The following TNR variants were observed in gnomAD, a reference collection of about 807,000 sequenced individuals.
TNR encodes the protein tenascin R.
A neutral mutation model predicts 150.4 loss-of-function variants in TNR; 45 were observed. The observed-to-expected ratio is 0.30, with a 90% CI of 0.24 to 0.38. The LOEUF (loss-of-function observed/expected upper bound fraction) is 0.38, where lower values mean the gene tolerates loss of function less well. Among genes scored for constraint, TNR ranks in the 10% least tolerant of loss-of-function variants. The pLI is 1.00. For missense variants in TNR, 1,544 were observed against 1,759.1 expected (o/e 0.88, Z 2.19); for synonymous variants, 687 against 678.4 (o/e 1.01, Z -0.20).
In TNR at chr1:175,719,736, C is replaced by A. The variant is rs932694991; in HGVS notation, c.-165+23490G>T. Among the ~76,000 whole-genome samples the A allele has an allele frequency of 5.4e-4, 83 of 152,298 alleles. 1 individual carries two copies. Among genetic ancestry groups the A allele is most frequent in the African/African-American group, 1.8e-3 (73 of 41,566 alleles). ...GACTAGGACACAATGATAGCAGAGACCCCGCTGGGAGATACAGCAAGTTCT... is the reference window on the plus strand; with the variant it reads ...GACTAGGACACAATGATAGCAGAGAACCCGCTGGGAGATACAGCAAGTTCT... On this transcript the variant is annotated intron_variant, in intron 1 of 22. Transcript: ENST00000367674.
intron 2 of TNR, among the ~76,000 whole-genome samples, chr1:175,525,021 T>A (rs1327966137): frequency 6.6e-5 from 10 of 152,160 alleles, no homozygotes; most frequent in Non-Finnish European, 4.4e-5. Flanking sequence ...GAATTGCAGT[T>A]CCTATAATTC....
intron 2 of TNR, among the ~76,000 whole-genome samples, chr1:175,471,080 C>A (rs143367954): frequency 2.0e-5 from 3 of 152,196 alleles, no homozygotes. Context: ...TTTGACACAT[C>A]TGAGTTAGTC....
intron 14 of TNR, among the ~76,000 whole-genome samples, chr1:175,361,651 A>AT (rs1651591774): frequency 6.6e-6 from 1 of 152,212 alleles, no homozygotes; most frequent in Non-Finnish European, 1.5e-5. Context: ...TATTTCCCTC[A>AT]TTTGGGAAAT....
intron 1 of TNR, among the ~76,000 whole-genome samples, chr1:175,575,486 G>A (rs543875845): frequency 6.6e-6 from 1 of 152,174 alleles, no homozygotes; most frequent in African/African-American, 2.4e-5. Flanking sequence ...TCACAGCCTG[G>A]TTGACGAACA....
intron 1 of TNR, among the ~76,000 whole-genome samples, chr1:175,707,916 A>AC (rs370088039): frequency 6.6e-6 from 1 of 152,138 alleles, no homozygotes; most frequent in Non-Finnish European, 1.5e-5. Flanking sequence ...TAAAGAAAAA[A>AC]CAGGGCTACA....
chr1:175,518,355 T>C (rs1395051146), intron 2 of TNR, among the ~76,000 whole-genome samples: 1 of 152,184 alleles, frequency 6.6e-6, no homozygotes, highest in Non-Finnish European at 1.5e-5. Context: ...TGTGCAGTCT[T>C]GGGACACACA....
intron 1 of TNR, among the ~76,000 whole-genome samples, chr1:175,639,710 A>G (rs948209179): frequency 5.9e-5 from 9 of 152,172 alleles, no homozygotes; most frequent in African/African-American, 2.2e-4. Flanking sequence ...CTAACTTTCC[A>G]GCCTCACCAA....
rs116351705 is a variant in TNR, at chr1:175,444,134, C to T, written c.-63-37357G>A. On this transcript the variant is annotated intron_variant, in intron 2 of 22. Transcript: ENST00000367674. ...ATAATCAGAGACTCCAGTCAAAATA[C>T]TTATAACCAGATAGGAAAATTAAAA... Among the ~76,000 whole-genome samples the T allele has an allele frequency of 2.0e-3, 298 of 152,242 alleles. 2 individuals are homozygous for T. The highest frequency in any genetic ancestry group is 6.9e-3 in the African/African-American group (286 of 41,544).
In TNR at chr1:175,690,157, T is replaced by C. The variant is rs112186072; in HGVS notation, c.-165+53069A>G. On this transcript the variant is annotated intron_variant, in intron 1 of 22. Coordinates refer to ENST00000367674, the MANE Select transcript of TNR (RefSeq NM_003285.3). ...CCGGGCCAAAGCTATGTCTTTTTATTCTATTACATTGCCGTGGATCTTTAT... is the reference window on the plus strand; with the variant it reads ...CCGGGCCAAAGCTATGTCTTTTTATCCTATTACATTGCCGTGGATCTTTAT... 7.1e-3 allele frequency among the ~76,000 whole-genome samples: 1,075 copies of C among 151,942 alleles called. 14 individuals are homozygous for C. Among genetic ancestry groups the C allele is most frequent in the African/African-American group, 0.025 (1,019 of 41,194 alleles).
intron 2 of TNR, among the ~76,000 whole-genome samples, chr1:175,522,342 G>A (rs1416782084): frequency 2.0e-5 from 3 of 152,194 alleles, no homozygotes; most frequent in Non-Finnish European, 4.4e-5. Flanking sequence ...TCATAAGTGG[G>A]AGCTAAGCTA....
At chr1:175,604,754 G>A (rs545771954) in intron 1 of TNR, among the ~76,000 whole-genome samples, 17 of 152,268 alleles carry the variant, frequency 1.1e-4, no homozygotes, top group Admixed American at 1.3e-4. Flanking sequence ...CAGCTCCTGT[G>A]CACCTCCCAT....
chr1:175,403,352 G>A lies in TNR; in HGVS notation c.764C>T (p.Pro255Leu), dbSNP rs1464077095. The change falls in exon 4 of 23, where the codon CCC becomes CTC. Residue 255 changes from proline (P) to leucine (L), a missense_variant. Pro to Leu is a moderately conservative substitution (Grantham distance 98, BLOSUM62 -3). Coordinates refer to ENST00000367674, the MANE Select transcript of TNR (RefSeq NM_003285.3). ...CVDGECVCEEPYTGEDCRELR... is the reference protein window; with the variant it reads ...CVDGECVCEELYTGEDCRELR... ...TTCCCTGCAGTCCTCGCCAGTGTAG[G>A]GCTCTTCACAGACACACTCCCCGTC... 6 of 1,613,868 alleles carry A rather than the reference G, an allele frequency of 3.7e-6. No homozygotes were observed. Among genetic ancestry groups the A allele is most frequent in the Non-Finnish European group, 5.1e-6 (6 of 1,179,980 alleles).
At position 175,339,692 on chromosome 1, in the gene TNR, C is replaced by A. The variant is rs2101993784; in HGVS notation, c.3383-2013G>T. Among the ~76,000 whole-genome samples the A allele has an allele frequency of 2.0e-5, 3 of 152,314 alleles. 1 individual carries two copies. The highest frequency in any genetic ancestry group is 4.4e-5 in the Non-Finnish European group (3 of 68,030). On this transcript the variant is annotated intron_variant, in intron 18 of 22. Transcript: ENST00000367674. Reference sequence around the variant, plus strand: ...TTACTCCTAAGGTATGCACTAATAGCCCCTTTTCCTGAAGAAAGGTTTCTT... The same window carrying A: ...TTACTCCTAAGGTATGCACTAATAGACCCTTTTCCTGAAGAAAGGTTTCTT...
intron 1 of TNR, among the ~76,000 whole-genome samples, chr1:175,626,701 A>G (rs906775230): frequency 1.3e-5 from 2 of 152,182 alleles, no homozygotes; most frequent in Non-Finnish European, 2.9e-5. Context: ...CTAGTTACCT[A>G]TTGTGGTAGA....
intron 1 of TNR, among the ~76,000 whole-genome samples, chr1:175,660,679 G>T (rs1665339149): frequency 1.3e-5 from 2 of 152,218 alleles, no homozygotes; most frequent in African/African-American, 4.8e-5. Context: ...GAGGGAGTGA[G>T]AAGTTGGTGA....
At chr1:175,702,171 A>T (rs551937705) in intron 1 of TNR, among the ~76,000 whole-genome samples, 1 of 152,304 alleles carries the variant, frequency 6.6e-6, no homozygotes, top group African/African-American at 2.4e-5. Flanking sequence ...TGTATCTTCC[A>T]TGTGTGCTAA....
chr1:175,408,852 A>G (rs1224664663), intron 2 of TNR, among the ~76,000 whole-genome samples: 3 of 152,270 alleles, frequency 2.0e-5, no homozygotes, highest in East Asian at 1.9e-4. Context: ...TCACTGGAAC[A>G]TATGAAATGT....
chr1:175,636,752 G>T (rs1310424387), intron 1 of TNR, among the ~76,000 whole-genome samples: 1 of 152,096 alleles, frequency 6.6e-6, no homozygotes, highest in African/African-American at 2.4e-5. Context: ...TCTCTGTTTG[G>T]ACACCAAGAC....
At chr1:175,620,631 C>A (rs1173515305) in intron 1 of TNR, among the ~76,000 whole-genome samples, 1 of 152,136 alleles carries the variant, frequency 6.6e-6, no homozygotes, top group Non-Finnish European at 1.5e-5. Flanking sequence ...TATGATTGGG[C>A]AGAGCAGTGG....
Sources: gnomAD v4.1 joint callset for allele counts (sites outside exome capture counted in the v4.1 genomes callset) on GRCh38, gnomAD v4.1.1 for gene constraint, MANE v1.5 for transcripts, NCBI Gene and HGNC (gene_info 2026-07-23, HGNC 2026-07-21) for gene names.